Variants in CSMD1 observed in about 807,000 individuals in gnomAD.
CSMD1 encodes the protein CUB and sushi domain-containing protein 1.
In CSMD1, 213 loss-of-function variants were observed where a neutral mutation model predicts 417.5. The ratio of observed to expected loss-of-function variants is 0.51; its 90% CI spans 0.46 to 0.57. CSMD1 has a LOEUF of 0.57. Ranked by LOEUF, CSMD1 falls within the 20% of genes least tolerant of loss-of-function variation. CSMD1 has a pLI of 0.00. For missense variants in CSMD1, 6,923 were observed against 4,529.7 expected (o/e 1.53, Z -15.17); for synonymous variants, 2,862 against 1,736.8 (o/e 1.65, Z -16.11).
chr8:4,352,244 G>T (rs888665156), intron 3 of CSMD1, among the ~76,000 whole-genome samples: 3 of 152,128 alleles, frequency 2.0e-5, no homozygotes, highest in African/African-American at 7.2e-5. Context: ...CCAACATAAG[G>T]TTCTAAATGG....
intron 2 of CSMD1, among the ~76,000 whole-genome samples, chr8:4,559,875 C>T (rs556585186): frequency 3.0e-4 from 46 of 152,330 alleles, no homozygotes; most frequent in South Asian, 1.4e-3. Context: ...TCCAGGAAAA[C>T]GTTCTAGAGC....
intron 3 of CSMD1, among the ~76,000 whole-genome samples, chr8:4,119,860 T>G (rs116442267): frequency 3.2e-3 from 480 of 152,268 alleles, no homozygotes; most frequent in African/African-American, 0.011. Flanking sequence ...TGGAGACACA[T>G]CTGAAAGGGT....
At chr8:3,587,916 G>A (rs1800675458) in intron 8 of CSMD1, among the ~76,000 whole-genome samples, 1 of 151,922 alleles carries the variant, frequency 6.6e-6, no homozygotes. Flanking sequence ...AACATAATAT[G>A]TACTAATTTG....
chr8:3,244,575 T>C (rs2116993757), intron 26 of CSMD1, among the ~76,000 whole-genome samples: 1 of 152,252 alleles, frequency 6.6e-6, no homozygotes, highest in Non-Finnish European at 1.5e-5. Flanking sequence ...ACATCAGCTC[T>C]TCAAAGGGGG....
Position 3,406,136 on chromosome 8 carries a change from A to C in CSMD1, c.2157T>G (p.Val719=), listed in dbSNP as rs753099228. 22 of 1,613,760 alleles carry C rather than the reference A, an allele frequency of 1.4e-5. No homozygotes were observed. Among genetic ancestry groups the C allele is most frequent in the South Asian group, 2.2e-5 (2 of 91,082 alleles). ...CAAAGCCATCATCACAGTGGAAAGA[A>C]ACCGAGCTCCCGAGTAGAAACCTGT... ...FGDRFLLGSS[V]SFHCDDGFVK... is the part of the protein sequence containing the mutation. Residue 719 remains valine, a synonymous_variant, in exon 15 of 70, where the codon GTT becomes GTG. Transcript: ENST00000635120.
intron 7 of CSMD1, among the ~76,000 whole-genome samples, chr8:3,675,432 G>C (rs989933981): frequency 6.6e-6 from 1 of 152,188 alleles, no homozygotes; most frequent in Admixed American, 6.5e-5. Flanking sequence ...AAGTCTTCTG[G>C]ATGGAAAGAC....
At chr8:3,540,367 A>C (rs1798386638) in intron 10 of CSMD1, among the ~76,000 whole-genome samples, 1 of 152,186 alleles carries the variant, frequency 6.6e-6, no homozygotes, top group African/African-American at 2.4e-5. Context: ...ATCTCCTTTA[A>C]AATCAAGTAC....
Position 4,647,603 on chromosome 8 carries a change from C to T in CSMD1, c.86-10045G>A, listed in dbSNP as rs540885879. 1.6e-3 allele frequency among the ~76,000 whole-genome samples: 237 copies of T among 148,834 alleles called. 1 individual carries two copies. Among genetic ancestry groups the T allele is most frequent in the Non-Finnish European group, 1.4e-3 (92 of 67,218 alleles). ...CCAATATGTCCTGGTGTGTGTTGTT[C>T]CCCTCTCTGTATCTATGTGTTCTCA... On this transcript the variant is annotated intron_variant, in intron 1 of 69. Coordinates refer to ENST00000635120, the MANE Select transcript of CSMD1 (RefSeq NM_033225.6).
intron 1 of CSMD1, among the ~76,000 whole-genome samples, chr8:4,914,814 G>A (rs1805942173): frequency 6.6e-6 from 1 of 152,146 alleles, no homozygotes; most frequent in South Asian, 2.1e-4. Context: ...CAAAGCTGTG[G>A]CAGAGGCCTG....
chr8:2,995,602 G>T (rs1219852661), intron 54 of CSMD1, among the ~76,000 whole-genome samples: 1 of 152,134 alleles, frequency 6.6e-6, no homozygotes, highest in Non-Finnish European at 1.5e-5. Context: ...GTTCATAACA[G>T]CTCGTAGCAG....
intron 5 of CSMD1, among the ~76,000 whole-genome samples, chr8:3,772,498 C>CATACATTT (rs1554430929): frequency 2.5e-4 from 3 of 11,942 alleles, no homozygotes; most frequent in South Asian, 3.8e-3. Context: ...CACATATATA[C>CATACATTT]ATATATACAC....
At chr8:4,198,863 G>C (rs541917716) in intron 3 of CSMD1, among the ~76,000 whole-genome samples, 1 of 151,936 alleles carries the variant, frequency 6.6e-6, no homozygotes, top group African/African-American at 2.4e-5. Flanking sequence ...ACAATATCAC[G>C]TATTTCCCCT....
chr8:3,408,868 C>T (rs55646939), intron 13 of CSMD1, among the ~76,000 whole-genome samples: 1 of 151,870 alleles, frequency 6.6e-6, no homozygotes, highest in African/African-American at 2.4e-5. Context: ...GCTTCTTATT[C>T]CATATAATTT....
chr8:4,256,327 C>G (rs1052557680), intron 3 of CSMD1, among the ~76,000 whole-genome samples: 5 of 152,184 alleles, frequency 3.3e-5, no homozygotes, highest in African/African-American at 1.2e-4. Flanking sequence ...GAAAGACCAG[C>G]TCTGAATTTC....
chr8:3,659,056 C>T (rs1213700068), intron 7 of CSMD1, among the ~76,000 whole-genome samples: 1 of 152,192 alleles, frequency 6.6e-6, no homozygotes, highest in Non-Finnish European at 1.5e-5. Flanking sequence ...ATTGCATCTA[C>T]TTGAAATTAG....
chr8:4,819,779 G>C (rs1307095530), intron 1 of CSMD1, among the ~76,000 whole-genome samples: 2 of 152,050 alleles, frequency 1.3e-5, no homozygotes, highest in African/African-American at 2.4e-5. Context: ...CCATGAAACA[G>C]GAGTCAATGC....
At chr8:4,926,034 A>G (rs1239631208) in intron 1 of CSMD1, among the ~76,000 whole-genome samples, 1 of 152,178 alleles carries the variant, frequency 6.6e-6, no homozygotes. Context: ...GAGCTCATAA[A>G]CCAACCTAAA....
chr8:3,593,243 G>C (rs1324202910), intron 8 of CSMD1, among the ~76,000 whole-genome samples: 1 of 152,242 alleles, frequency 6.6e-6, no homozygotes, highest in Admixed American at 6.5e-5. Flanking sequence ...GAACAAGACA[G>C]AACCCCCGCG....
chr8:4,241,935 C>A (rs1457431202), intron 3 of CSMD1, among the ~76,000 whole-genome samples: 1 of 152,148 alleles, frequency 6.6e-6, no homozygotes, highest in African/African-American at 2.4e-5. Flanking sequence ...ACTGTCCTAC[C>A]AATTGACCAG....
Sources: allele counts gnomAD v4.1 joint callset (sites outside exome capture counted in the v4.1 genomes callset), GRCh38; gene constraint gnomAD v4.1.1; transcripts MANE v1.5; gene names NCBI Gene and HGNC (gene_info 2026-07-23, HGNC 2026-07-21).